EEF2: variants seen among roughly 807,000 people sequenced by gnomAD.
EEF2 encodes the protein eukaryotic translation elongation factor 2.
EEF2 carries 21 observed loss-of-function variants against 85.3 expected under a neutral mutation model. The ratio of observed to expected loss-of-function variants is 0.25; its 90% CI spans 0.17 to 0.35. The LOEUF (loss-of-function observed/expected upper bound fraction) is 0.35. EEF2 is among the 10% of genes least tolerant of loss of function. The probability of loss-of-function intolerance (pLI) is 1.00; values close to 1 mark genes in which losing one functional copy is unlikely to be tolerated. For synonymous variants in EEF2, 723 were observed against 508.8 expected (o/e 1.42, Z -5.67); for missense variants, 825 against 1,225.3 (o/e 0.67, Z 4.88).
chr19:3,979,039 A>G (rs184005298), intron 11 of EEF2, among the ~76,000 whole-genome samples: 7 of 151,384 alleles, frequency 4.6e-5, no homozygotes, highest in African/African-American at 1.7e-4. Context: ...GAGTGAGGCA[A>G]GAGAATCGCT....
intron 10 of EEF2, 52 bp from the exon 11 acceptor site, chr19:3,979,488 G>A (rs1476961479): frequency 6.7e-7 from 1 of 1,494,498 alleles, no homozygotes; most frequent in East Asian, 2.3e-5. Context: ...GGAACAGGCG[G>A]GACCAGGCTC....
Position 3,980,023 on chromosome 19 carries a change from C to G in EEF2, c.1390G>C (p.Val464Leu), listed in dbSNP as rs775538823. Residue 464 changes from valine to leucine, a missense_variant, in exon 10 of 15, where the codon GTG (valine) becomes CTG (leucine). Physicochemically the swap from Val to Leu is conservative, Grantham distance 32. Coordinates refer to ENST00000309311, the MANE Select transcript of EEF2 (RefSeq NM_001961.4). ...MGRYVEPIED[V>L]PCGNIVGLVG... ...AGGCCCACAATGTTCCCACAAGGCA[C>G]ATCCTCGATGGGCTCCACGTAGCGG... is the stretch of plus-strand genomic sequence containing the variant. 1.2e-6 allele frequency: 2 copies of G among 1,613,722 alleles called. No individual in the cohort carries two copies. Among genetic ancestry groups the G allele is most frequent in the Non-Finnish European group, 1.7e-6 (2 of 1,180,036 alleles).
Position 3,977,786 on chromosome 19 carries a change from G to C in EEF2, c.2067+33C>G, listed in dbSNP as rs749567401. The C allele has an allele frequency of 1.3e-6, 2 of 1,539,120 alleles. No individual in the cohort carries two copies. Among genetic ancestry groups the C allele is most frequent in the East Asian group, 4.6e-5 (2 of 43,912 alleles). ...GAGGTCCCTCTAGAGCCTGGAAACG[G>C]GTGTGGTCTGCACATGCTGAGCCGT... On this transcript the variant is annotated intron_variant, in intron 12 of 14. Transcript: ENST00000309311. The surrounding 1 kb of genome is among the most constrained non-coding windows in gnomAD (Gnocchi z 5.4).
chr19:3,981,798 C>G (rs73920319), intron 6 of EEF2, 149 bp downstream of exon 6: 8 of 739,798 alleles, frequency 1.1e-5, no homozygotes, highest in Non-Finnish European at 1.8e-5. Context: ...AGCCCTGACT[C>G]CACCTCAGTT....
chr19:3,985,332 A>G (rs746921933), intron 1 of EEF2, 46 bp downstream of exon 1: 4 of 1,435,866 alleles, frequency 2.8e-6, no homozygotes, highest in Non-Finnish European at 3.7e-6. Context: ...GGCCCCGCGG[A>G]GGCCCCGCCG....
chr19:3,978,231 A>T (rs2039701047), intron 11 of EEF2, 59 bp from the exon 12 acceptor site: 1 of 1,381,610 alleles, frequency 7.2e-7, no homozygotes, highest in Non-Finnish European at 9.5e-7. Flanking sequence ...TTACACACAG[A>T]CGCATCCTTA....
intron 4 of EEF2, 95 bp downstream of exon 4, chr19:3,982,712 C>A (rs771725740): frequency 2.9e-5 from 40 of 1,391,398 alleles, no homozygotes; most frequent in Non-Finnish European, 3.6e-5. Flanking sequence ...CTGGCAAAAA[C>A]ACACTTCCAG....
Position 3,982,228 on chromosome 19 carries a change from A to G in EEF2, c.791+18T>C. 1 of 1,612,854 alleles carries G rather than the reference A, an allele frequency of 6.2e-7. No individual in the cohort carries two copies. The highest frequency in any genetic ancestry group is 8.5e-7 in the Non-Finnish European group (1 of 1,179,066). On this transcript the variant is annotated intron_variant, in intron 5 of 14. Transcript: ENST00000309311. ...CCCCAGGTGTCAGGAATCCCCCACCATATCCCGCGGGGCTCACCTGTCACC... is the reference window on the plus strand; with the variant it reads ...CCCCAGGTGTCAGGAATCCCCCACCGTATCCCGCGGGGCTCACCTGTCACC...
At chr19:3,985,008 G>C (rs1244601095) in intron 1 of EEF2, 2 of 292,024 alleles carry the variant, frequency 6.8e-6, no homozygotes, top group Non-Finnish European at 1.3e-5. Context: ...TAGTCCCCCG[G>C]CAGAAAATCG....
chr19:3,982,063 G>C lies in EEF2; in HGVS notation c.792-11C>G. ...GCTGGGTCAAAGTACCTGGCAAGGA[G>C]AGGCCAAGCCAAATCAAGTTAGGGT... On this transcript the variant is annotated splice_polypyrimidine_tract_variant and intron_variant, in intron 5 of 14. Transcript: ENST00000309311. 6.2e-7 allele frequency: 1 copy of C among 1,613,928 alleles called. No individual in the cohort carries two copies. The highest frequency in any genetic ancestry group is 8.5e-7 in the Non-Finnish European group (1 of 1,179,820).
rs2039678756 is a variant in EEF2, at chr19:3,976,277, A to G, written c.*277T>C. The G allele has an allele frequency of 6.9e-6, 3 of 433,794 alleles. No homozygotes were observed. Among genetic ancestry groups the G allele is most frequent in the Non-Finnish European group, 1.2e-5 (3 of 241,560 alleles). 26.9% of individuals were successfully genotyped at this position (433,794 alleles called of 1,614,324 possible). A position where few individuals can be genotyped will look rare whatever the true frequency, so the allele number is the denominator to read the frequency against. Reference sequence around the variant, plus strand: ...TGAGTTTCCCTCTGAAGAAATGGAAAAAGTGTTGGGTGTCCCATCCCGCCT... The same window carrying G: ...TGAGTTTCCCTCTGAAGAAATGGAAGAAGTGTTGGGTGTCCCATCCCGCCT... On this transcript the variant is annotated 3_prime_UTR_variant, in exon 15 of 15. Coordinates refer to ENST00000309311, the MANE Select transcript of EEF2 (RefSeq NM_001961.4).
chr19:3,985,272 A>C, intron 1 of EEF2, 106 bp downstream of exon 1: 2 of 1,233,548 alleles, frequency 1.6e-6, no homozygotes, highest in South Asian at 2.3e-5. Flanking sequence ...CGCCGCCGCT[A>C]CGTCTCCTCC....
Position 3,983,129 on chromosome 19 carries a change from C to T in EEF2, c.381G>A (p.Val127=), listed in dbSNP as rs375712795. The part of the protein sequence containing the change: ...AALRVTDGAL[V]VVDCVSGVCV... ...GCTTACCTGACACGCAGTCCACCAC[C>T]ACCAATGCGCCATCGGTGACTCGGA... is the stretch of plus-strand genomic sequence containing the variant. Residue 127 remains valine (V), a synonymous_variant, in exon 3 of 15, where the codon GTG becomes GTA. Transcript: ENST00000309311. 3 of 1,613,950 alleles carry T rather than the reference C, an allele frequency of 1.9e-6. No homozygotes were observed. The highest frequency in any genetic ancestry group is 2.7e-5 in the African/African-American group (2 of 74,912).
intron 6 of EEF2, among the ~76,000 whole-genome samples, chr19:3,981,655 C>A (rs898208369): frequency 2.0e-5 from 3 of 152,234 alleles, no homozygotes; most frequent in African/African-American, 7.2e-5. Flanking sequence ...GAGGAAAAAG[C>A]CCACTCTGAC....
chr19:3,982,946 T>C lies in EEF2; in HGVS notation c.473A>G (p.Asn158Ser). The C allele has an allele frequency of 6.2e-7, 1 of 1,613,378 alleles. No individual in the cohort carries two copies. Among genetic ancestry groups the C allele is most frequent in the Non-Finnish European group, 8.5e-7 (1 of 1,179,992 alleles). Reference protein sequence around the residue: ...AERIKPVLMMNKMDRALLELQ... With the variant: ...AERIKPVLMMSKMDRALLELQ... ...CTCCAGCAGGGCGCGGTCCATCTTG[T>C]TCATCATCAGCACAGGCTTGATGCG... The change falls in exon 4 of 15, where the codon AAC (asparagine) becomes AGC (serine). Residue 158 changes from asparagine (N) to serine (S), a missense_variant. Transcript: ENST00000309311.
At chr19:3,976,792 CAGGGCAGAAGG>C in intron 14 of EEF2, 45 bp from the exon 15 acceptor site, 1 of 1,479,452 alleles carries the variant, frequency 6.8e-7, no homozygotes, top group Non-Finnish European at 8.9e-7. Context: ...GAGAAGGTGG[CAGGGCAGAAGG>C]AAAGTCCTGT....
chr19:3,982,569 G>T (rs749612310), intron 4 of EEF2, 145 bp from the exon 5 acceptor site: 1 of 1,182,372 alleles, frequency 8.5e-7, no homozygotes, highest in Non-Finnish European at 1.2e-6. Context: ...CAGTCATCAC[G>T]AATAGGGGGG....
rs117617967 is a variant in EEF2 at position 3,983,932 on chromosome 19, G to A, written c.218+204C>T. ...CCACGGAGTTAAGCCCCCTCCTCAA[G>A]AAAACCTTCCAGCTCGCAGTACCCC... On this transcript the variant is annotated intron_variant, in intron 2 of 14. Coordinates refer to ENST00000309311, the MANE Select transcript of EEF2 (RefSeq NM_001961.4). 0.013 allele frequency: 7,844 copies of A among 608,276 alleles called. 111 individuals are homozygous for A. Among genetic ancestry groups the A allele is most frequent in the Admixed American group, 0.047 (1,572 of 33,270 alleles). 37.7% of individuals were successfully genotyped at this position (608,276 alleles called of 1,614,324 possible). A position where few individuals can be genotyped will look rare whatever the true frequency, so the allele number is the denominator to read the frequency against.
At chr19:3,978,897 G>A (rs2039709967) in intron 11 of EEF2, among the ~76,000 whole-genome samples, 1 of 151,076 alleles carries the variant, frequency 6.6e-6, no homozygotes, top group Non-Finnish European at 1.5e-5. Context: ...CGAGGCAGGG[G>A]GATCACGAGG....
Sources: allele counts gnomAD v4.1 joint callset (sites outside exome capture counted in the v4.1 genomes callset), GRCh38; gene constraint gnomAD v4.1.1; non-coding constraint Gnocchi (gnomAD v3.1); transcripts MANE v1.5; gene names NCBI Gene and HGNC (gene_info 2026-07-23, HGNC 2026-07-21).